SEC24D: variants seen among roughly 807,000 people sequenced by gnomAD.
SEC24D encodes the protein protein transport protein Sec24D.
A neutral mutation model predicts 116.9 loss-of-function variants in SEC24D; 69 were observed. The observed-to-expected ratio is 0.59, with a 90% CI of 0.49 to 0.72. The LOEUF is 0.72. Among genes scored for constraint, SEC24D ranks in the 30% least tolerant of loss-of-function variants. The probability of loss-of-function intolerance (pLI) is 0.00; values close to 1 mark genes in which losing one functional copy is unlikely to be tolerated. For missense variants in SEC24D, 1,131 were observed against 1,264.1 expected (o/e 0.89, Z 1.60); for synonymous variants, 405 against 442.8 (o/e 0.91, Z 1.07).
intron 8 of SEC24D, among the ~76,000 whole-genome samples, chr4:118,782,883 C>G (rs960132815): frequency 6.6e-6 from 1 of 152,154 alleles, no homozygotes; most frequent in East Asian, 1.9e-4. Flanking sequence ...GTGAGCAAGA[C>G]TCCTTGGGTG....
At chr4:118,763,601 G>A (rs187919760) in intron 10 of SEC24D, among the ~76,000 whole-genome samples, 10 of 152,262 alleles carry the variant, frequency 6.6e-5, no homozygotes, top group Admixed American at 5.9e-4. Flanking sequence ...TGAATGATAC[G>A]CAAGAAGATG....
intron 2 of SEC24D, among the ~76,000 whole-genome samples, chr4:118,827,137 C>T (rs1319512830): frequency 1.3e-5 from 2 of 152,012 alleles, no homozygotes; most frequent in Non-Finnish European, 2.9e-5. Context: ...GAGGATGGCA[C>T]GACCAGGACA....
intron 8 of SEC24D, among the ~76,000 whole-genome samples, chr4:118,788,000 G>A (rs1195536849): frequency 6.6e-6 from 1 of 152,020 alleles, no homozygotes; most frequent in Non-Finnish European, 1.5e-5. Context: ...ATTTATTTTG[G>A]TAGACATGGG....
chr4:118,809,512 T>A (rs761594449), intron 6 of SEC24D, among the ~76,000 whole-genome samples: 1 of 152,192 alleles, frequency 6.6e-6, no homozygotes, highest in Non-Finnish European at 1.5e-5. Flanking sequence ...CCTTTGGTAA[T>A]AGGAATACAA....
chr4:118,759,999 C>T (rs868114484), intron 10 of SEC24D, among the ~76,000 whole-genome samples: 34 of 152,250 alleles, frequency 2.2e-4, no homozygotes, highest in African/African-American at 5.5e-4. Context: ...TAAAAAAACA[C>T]GATAAGCTAA....
intron 7 of SEC24D, 103 bp downstream of exon 7, chr4:118,805,740 T>G: frequency 1.6e-6 from 1 of 618,856 alleles, no homozygotes; most frequent in South Asian, 2.4e-5. Flanking sequence ...TATAATGGGG[T>G]TTTCCATTAT....
At position 118,813,152 on chromosome 4, in the gene SEC24D, A is replaced by G. The variant is rs548650309; in HGVS notation, c.801+1876T>C. ...ACATGTATAAGAAAGAGGCAGAGGA[A>G]TTTTGAGACAGACACCCAGAGAAGA... On this transcript the variant is annotated intron_variant, in intron 6 of 22. Coordinates refer to ENST00000280551, the MANE Select transcript of SEC24D (RefSeq NM_014822.4). Among the ~76,000 whole-genome samples, 5 of 152,306 alleles carry G rather than the reference A, an allele frequency of 3.3e-5. No homozygotes were observed. In the South Asian group the frequency reaches 1.0e-3, roughly 32 times the overall value.
At chr4:118,811,598 A>C (rs1729924643) in intron 6 of SEC24D, among the ~76,000 whole-genome samples, 1 of 152,242 alleles carries the variant, frequency 6.6e-6, no homozygotes, top group African/African-American at 2.4e-5. Context: ...GAGAAAGAGG[A>C]AAATTCTGCT....
At position 118,740,697 on chromosome 4, in the gene SEC24D, T is replaced by A. The variant is rs771552437; in HGVS notation, c.2204A>T (p.Asp735Val). Residue 735 changes from aspartate to valine, a missense_variant, in exon 17 of 23, where the codon GAC (aspartate) becomes GTC (valine). Asp to Val is a radical substitution (Grantham distance 152). Coordinates refer to ENST00000280551, the MANE Select transcript of SEC24D (RefSeq NM_014822.4). ...KAVTVEFKHD[D>V]KLSEDSGALI... ...GGCTCCACTGTCTTCACTGAGTTTG[T>A]CATCGTGCTTGAACTCCACGGTCAC... 12 of 1,613,936 alleles carry A rather than the reference T, an allele frequency of 7.4e-6. No homozygotes were observed. Among genetic ancestry groups the A allele is most frequent in the Non-Finnish European group, 1.0e-5 (12 of 1,179,834 alleles).
chr4:118,808,124 T>G (rs559347096), intron 6 of SEC24D, among the ~76,000 whole-genome samples: 1 of 152,168 alleles, frequency 6.6e-6, no homozygotes, highest in African/African-American at 2.4e-5. Flanking sequence ...CTATGCCCAG[T>G]TAATTTTTAA....
intron 7 of SEC24D, among the ~76,000 whole-genome samples, chr4:118,802,487 T>C (rs1015957135): frequency 6.6e-6 from 1 of 152,122 alleles, no homozygotes; most frequent in African/African-American, 2.4e-5. Context: ...TTGAGCTACA[T>C]CCTAAAAAGC....
At chr4:118,824,490 G>C (rs1730516230) in intron 3 of SEC24D, 130 bp downstream of exon 3, 1 of 954,988 alleles carries the variant, frequency 1.0e-6, no homozygotes, top group Admixed American at 2.6e-5. Context: ...TTATCTAACA[G>C]ATCCTTTCAG....
intron 17 of SEC24D, 44 bp from the exon 18 acceptor site, chr4:118,739,331 A>G (rs901918987): frequency 1.3e-6 from 2 of 1,586,190 alleles, no homozygotes; most frequent in Non-Finnish European, 8.6e-7. Flanking sequence ...TGATTAACAT[A>G]TCCACCCAAG....
chr4:118,787,799 C>T (rs1451543953), intron 8 of SEC24D, among the ~76,000 whole-genome samples: 2 of 152,066 alleles, frequency 1.3e-5, no homozygotes, highest in Non-Finnish European at 2.9e-5. Context: ...AGAGTGAAAT[C>T]TTGTCTCAAT....
At chr4:118,809,391 G>A (rs1172117275) in intron 6 of SEC24D, among the ~76,000 whole-genome samples, 1 of 152,094 alleles carries the variant, frequency 6.6e-6, no homozygotes, top group Non-Finnish European at 1.5e-5. Context: ...CCACCAAAAG[G>A]GTTATAATAA....
At chr4:118,824,293 T>G (rs1452906752) in intron 3 of SEC24D, among the ~76,000 whole-genome samples, 1 of 152,052 alleles carries the variant, frequency 6.6e-6, no homozygotes, top group Non-Finnish European at 1.5e-5. Flanking sequence ...ACTACAAACA[T>G]GCACCACCAG....
chr4:118,739,410 CCA>C (rs763294396), intron 17 of SEC24D, 123 bp from the exon 18 acceptor site: 73 of 844,546 alleles, frequency 8.6e-5, no homozygotes, highest in South Asian at 1.4e-4. Flanking sequence ...AACTATTTTT[CCA>C]CAGTTTTTTT....
chr4:118,804,128 T>C (rs1411330522), intron 7 of SEC24D, among the ~76,000 whole-genome samples: 2 of 152,276 alleles, frequency 1.3e-5, no homozygotes, highest in East Asian at 3.9e-4. Flanking sequence ...GAAATATATA[T>C]GAAGCATTAT....
At chr4:118,794,727 T>C (rs1282133700) in intron 8 of SEC24D, among the ~76,000 whole-genome samples, 1 of 152,196 alleles carries the variant, frequency 6.6e-6, no homozygotes, top group Non-Finnish European at 1.5e-5. Flanking sequence ...TGGCAATACA[T>C]TTCCTCAATT....
Sources: gnomAD v4.1 joint callset for allele counts (sites outside exome capture counted in the v4.1 genomes callset) on GRCh38, gnomAD v4.1.1 for gene constraint, MANE v1.5 for transcripts, NCBI Gene and HGNC (gene_info 2026-07-23, HGNC 2026-07-21) for gene names.